TRPC1: variants seen among roughly 807,000 people sequenced by gnomAD.
The protein encoded by TRPC1 is short transient receptor potential channel 1.
In TRPC1, 42 loss-of-function variants were observed where a neutral mutation model predicts 88.2. The observed-to-expected ratio is 0.48, with a 90% CI of 0.37 to 0.62. The LOEUF (loss-of-function observed/expected upper bound fraction) is 0.62. Ranked by LOEUF, TRPC1 falls within the 20% of genes least tolerant of loss-of-function variation. The pLI, the probability that TRPC1 is intolerant of heterozygous loss-of-function variation, is 0.00. For synonymous variants in TRPC1, 288 were observed against 331.8 expected (o/e 0.87, Z 1.43); for missense variants, 699 against 957.3 (o/e 0.73, Z 3.56).
chr3:142,733,007 G>T (rs1933987727), intron 1 of TRPC1, among the ~76,000 whole-genome samples: 1 of 149,188 alleles, frequency 6.7e-6, no homozygotes. Context: ...TAAATGAATT[G>T]CAAATATAAA....
intron 4 of TRPC1, among the ~76,000 whole-genome samples, chr3:142,750,849 G>A (rs1186516964): frequency 6.6e-6 from 1 of 152,188 alleles, no homozygotes; most frequent in Non-Finnish European, 1.5e-5. Context: ...TCACTCATAA[G>A]TGGGAGTTGA....
intron 4 of TRPC1, among the ~76,000 whole-genome samples, chr3:142,764,779 C>T (rs567148366): frequency 5.9e-5 from 9 of 152,032 alleles, no homozygotes; most frequent in South Asian, 4.1e-4. Context: ...CCTTCCTGTA[C>T]GTGGATATTT....
intron 1 of TRPC1, among the ~76,000 whole-genome samples, chr3:142,725,293 AGATACATGAAGTAAGGACGGGACG>A (rs1933630440): frequency 6.6e-6 from 1 of 152,206 alleles, no homozygotes; most frequent in African/African-American, 2.4e-5. Flanking sequence ...TCCTAGGTGG[AGATACATGAAGTAAGGACGGGACG>A]GAAGAAATTC....
At chr3:142,727,414 T>C (rs567466968) in intron 1 of TRPC1, among the ~76,000 whole-genome samples, 9 of 152,186 alleles carry the variant, frequency 5.9e-5, no homozygotes, top group Non-Finnish European at 1.2e-4. Context: ...GGTGGCCCTT[T>C]GAAAGATGTG....
intron 8 of TRPC1, among the ~76,000 whole-genome samples, chr3:142,791,975 T>C (rs1050869351): frequency 5.3e-5 from 8 of 152,032 alleles, no homozygotes. Flanking sequence ...GGGTGTCACA[T>C]TCAAGGAACT....
chr3:142,797,804 T>C (rs987927798), intron 9 of TRPC1, among the ~76,000 whole-genome samples: 9 of 152,140 alleles, frequency 5.9e-5, no homozygotes, highest in Non-Finnish European at 1.0e-4. Context: ...TAGTTAACTA[T>C]GGCAGACCTG....
intron 4 of TRPC1, among the ~76,000 whole-genome samples, chr3:142,756,647 C>G (rs943515100): frequency 2.6e-5 from 4 of 152,184 alleles, no homozygotes; most frequent in Non-Finnish European, 5.9e-5. Context: ...GCATGAGCCA[C>G]TGCACCAGGC....
At position 142,792,862 on chromosome 3, in the gene TRPC1, C is replaced by T. The variant is rs201054112; in HGVS notation, c.1476C>T (p.Phe492=). The change falls in exon 9 of 13, where the codon TTC becomes TTT. Residue 492 remains phenylalanine (F), a synonymous_variant. Coordinates refer to ENST00000476941, the MANE Select transcript of TRPC1 (RefSeq NM_001251845.2). This position sits in a 1 kb window ranked among gnomAD's most constrained non-coding sequence, Gnocchi z 4.0. ...DFADRKDWDA[F]HPTLVAEGLF... The stretch of plus-strand genomic sequence containing the variant: ...CTGATCGGAAGGATTGGGATGCATT[C>T]CATCCTACACTGGTGGCAGAAGGGC... 6.2e-7 allele frequency: 1 copy of T among 1,601,436 alleles called. No individual in the cohort carries two copies. The highest frequency in any genetic ancestry group is 1.1e-5 in the South Asian group (1 of 89,528).
At chr3:142,791,180 T>G (rs1344346037) in intron 8 of TRPC1, 22 bp downstream of exon 8, 23 of 1,578,998 alleles carry the variant, frequency 1.5e-5, no homozygotes, top group Non-Finnish European at 1.9e-5. Flanking sequence ...CTATGTCAAT[T>G]GAAGGCACAA....
intron 4 of TRPC1, among the ~76,000 whole-genome samples, chr3:142,768,724 GT>G (rs138025757): frequency 6.6e-6 from 1 of 151,640 alleles, no homozygotes; most frequent in African/African-American, 2.4e-5. Flanking sequence ...TTTCCTCTGT[GT>G]TTTTTAACTA....
At chr3:142,745,255 C>G (rs141213437) in intron 3 of TRPC1, among the ~76,000 whole-genome samples, 18 of 152,330 alleles carry the variant, frequency 1.2e-4, no homozygotes, top group Non-Finnish European at 2.1e-4. Flanking sequence ...ATCTTCTAGC[C>G]TTTTAGTCCA....
chr3:142,782,795 G>T (rs1009975990), intron 6 of TRPC1, among the ~76,000 whole-genome samples: 4 of 152,180 alleles, frequency 2.6e-5, no homozygotes, highest in Non-Finnish European at 5.9e-5. Context: ...AGACTTTGAG[G>T]ATGTGGTCTG....
chr3:142,758,332 C>G (rs1935054544), intron 4 of TRPC1, among the ~76,000 whole-genome samples: 1 of 152,152 alleles, frequency 6.6e-6, no homozygotes, highest in Non-Finnish European at 1.5e-5. Context: ...ACTATTTTAA[C>G]TGGAGTGCGA....
At chr3:142,794,858 A>T (rs1489541262) in intron 9 of TRPC1, among the ~76,000 whole-genome samples, 1 of 152,142 alleles carries the variant, frequency 6.6e-6, no homozygotes, top group Non-Finnish European at 1.5e-5. Context: ...ATGTGAAAGG[A>T]TTAAATTTTT....
intron 9 of TRPC1, chr3:142,793,971 G>A: frequency 1.2e-6 from 1 of 858,044 alleles, no homozygotes. Context: ...GTAAGTTTGG[G>A]ACACACTGTA....
At chr3:142,757,897 G>A (rs932992689) in intron 4 of TRPC1, among the ~76,000 whole-genome samples, 1 of 152,102 alleles carries the variant, frequency 6.6e-6, no homozygotes, top group Admixed American at 6.6e-5. Context: ...GCATGCAATA[G>A]TGTAATACTC....
chr3:142,724,501 G>A lies in TRPC1; in HGVS notation c.-59G>A. The stretch of plus-strand genomic sequence containing the variant: ...GGGGCGTGGCTGGGGTCGGGGTCGG[G>A]GTCGGGGCCGGTGGGGGCCCCGCCC... On this transcript the variant is annotated 5_prime_UTR_variant, in exon 1 of 13. Transcript: ENST00000476941. This position sits in a 1 kb window ranked among gnomAD's most constrained non-coding sequence, Gnocchi z 5.6. 1 of 1,451,964 alleles carries A rather than the reference G, an allele frequency of 6.9e-7. No homozygotes were observed. Among genetic ancestry groups the A allele is most frequent in the Non-Finnish European group, 9.1e-7 (1 of 1,104,868 alleles). 89.9% of individuals were successfully genotyped at this position (1,451,964 alleles called of 1,614,324 possible).
chr3:142,788,893 G>C (rs1387863607), intron 7 of TRPC1, among the ~76,000 whole-genome samples: 1 of 152,014 alleles, frequency 6.6e-6, no homozygotes, highest in Non-Finnish European at 1.5e-5. Flanking sequence ...TTTTTGTGGG[G>C]GTATTGCAGA....
intron 2 of TRPC1, among the ~76,000 whole-genome samples, chr3:142,738,359 T>C (rs1934217716): frequency 6.6e-6 from 1 of 152,174 alleles, no homozygotes; most frequent in Non-Finnish European, 1.5e-5. Flanking sequence ...AAAACATGGG[T>C]TCTGTGTGAT....
Sources: allele counts gnomAD v4.1 joint callset (sites outside exome capture counted in the v4.1 genomes callset), GRCh38; gene constraint gnomAD v4.1.1; non-coding constraint Gnocchi (gnomAD v3.1); transcripts MANE v1.5; gene names NCBI Gene and HGNC (gene_info 2026-07-23, HGNC 2026-07-21).